Variants in CNTNAP2 observed in about 807,000 individuals in gnomAD.
CNTNAP2 encodes contactin-associated protein-like 2.
In CNTNAP2, 98 loss-of-function variants were observed where a neutral mutation model predicts 155.2. That is an observed-to-expected ratio of 0.63 (90% CI 0.54 to 0.75). The LOEUF (loss-of-function observed/expected upper bound fraction) is 0.75. Among genes scored for constraint, CNTNAP2 ranks in the 30% least tolerant of loss-of-function variants. The pLI, the probability that CNTNAP2 is intolerant of heterozygous loss-of-function variation, is 0.00. For synonymous variants in CNTNAP2, 651 were observed against 631.2 expected (o/e 1.03, Z -0.47); for missense variants, 1,727 against 1,688.1 (o/e 1.02, Z -0.40).
chr7:146,556,114 A>T (rs925641847), intron 1 of CNTNAP2, among the ~76,000 whole-genome samples: 6 of 152,230 alleles, frequency 3.9e-5, no homozygotes, highest in Non-Finnish European at 4.4e-5. Context: ...TACACAAAGA[A>T]ATGGAATATT....
intron 13 of CNTNAP2, among the ~76,000 whole-genome samples, chr7:147,761,836 G>C (rs898757351): frequency 1.3e-5 from 2 of 152,100 alleles, no homozygotes; most frequent in African/African-American, 4.8e-5. Context: ...ATTAAGGCTA[G>C]ATTTTCCTCT....
chr7:147,572,326 C>T (rs369487488), intron 12 of CNTNAP2, among the ~76,000 whole-genome samples: 19 of 150,886 alleles, frequency 1.3e-4, no homozygotes, highest in African/African-American at 4.5e-4. Context: ...AGAGGAAAAC[C>T]ATGAGATCCA....
chr7:146,146,044 A>G (rs1797952402), intron 1 of CNTNAP2, among the ~76,000 whole-genome samples: 1 of 152,222 alleles, frequency 6.6e-6, no homozygotes, highest in Admixed American at 6.6e-5. Context: ...TTGTTTTAAG[A>G]ATATTGTTCA....
At chr7:147,524,674 C>T (rs962665132) in intron 11 of CNTNAP2, among the ~76,000 whole-genome samples, 3 of 152,194 alleles carry the variant, frequency 2.0e-5, no homozygotes, top group African/African-American at 7.2e-5. Flanking sequence ...GAAAACTCTG[C>T]TTGAGGGTCT....
At chr7:148,211,724 G>T (rs1474521050) in intron 18 of CNTNAP2, among the ~76,000 whole-genome samples, 1 of 152,154 alleles carries the variant, frequency 6.6e-6, no homozygotes, top group Non-Finnish European at 1.5e-5. Context: ...AGGCGTTTTG[G>T]TTTTGCTTTC....
chr7:146,613,971 A>T (rs577867189), intron 1 of CNTNAP2, among the ~76,000 whole-genome samples: 4 of 152,262 alleles, frequency 2.6e-5, no homozygotes, highest in African/African-American at 9.6e-5. Flanking sequence ...CTTATCATTG[A>T]CTGTTTTGGG....
At chr7:146,551,607 A>T (rs183733766) in intron 1 of CNTNAP2, among the ~76,000 whole-genome samples, 17 of 150,592 alleles carry the variant, frequency 1.1e-4, no homozygotes, top group African/African-American at 3.2e-4. Flanking sequence ...AAGTATAATT[A>T]AAAAAAAGAA....
In CNTNAP2 at chr7:147,067,667, T is replaced by G. The variant is rs1485396163; in HGVS notation, c.550+23613T>G. On this transcript the variant is annotated intron_variant, in intron 4 of 23. Transcript: ENST00000361727. The stretch of plus-strand genomic sequence containing the variant: ...GAATCTGACAGGTACTATTTCACTT[T>G]GGGCAAACTACTTAATTTTTGAGCT... Among the ~76,000 whole-genome samples the G allele has an allele frequency of 2.4e-4, 37 of 152,192 alleles. 1 individual carries two copies. The highest frequency in any genetic ancestry group is 2.4e-3 in the Admixed American group (37 of 15,274).
intron 3 of CNTNAP2, among the ~76,000 whole-genome samples, chr7:147,015,191 A>G (rs1324184085): frequency 6.6e-6 from 1 of 151,890 alleles, no homozygotes; most frequent in African/African-American, 2.4e-5. Context: ...GATTCAAGGC[A>G]TAGATTGGAT....
intron 1 of CNTNAP2, among the ~76,000 whole-genome samples, chr7:146,321,042 T>G (rs975839077): frequency 6.6e-6 from 1 of 151,900 alleles, no homozygotes; most frequent in Non-Finnish European, 1.5e-5. Flanking sequence ...ACAGACCAAT[T>G]TCATAATAAT....
intron 18 of CNTNAP2, among the ~76,000 whole-genome samples, chr7:148,215,513 C>CT (rs11351735): frequency 0.4 from 56,938 of 143,408 alleles, 11,460 homozygotes; most frequent in Non-Finnish European, 0.45. Context: ...TCAGGGCTTT[C>CT]TTTTTTTTTT....
chr7:148,043,312 A>G (rs1802711878), intron 15 of CNTNAP2, among the ~76,000 whole-genome samples: 1 of 152,218 alleles, frequency 6.6e-6, no homozygotes, highest in Non-Finnish European at 1.5e-5. Context: ...TGCTGTGATC[A>G]AGGTGTGTAA....
intron 8 of CNTNAP2, among the ~76,000 whole-genome samples, chr7:147,250,451 A>C (rs1019747315): frequency 2.6e-5 from 4 of 152,168 alleles, no homozygotes; most frequent in African/African-American, 9.7e-5. Flanking sequence ...GAATTTTTAC[A>C]GGGAAATTCC....
chr7:148,243,808 GA>G (rs1033336475), intron 20 of CNTNAP2, among the ~76,000 whole-genome samples: 67 of 148,254 alleles, frequency 4.5e-4, no homozygotes, highest in Middle Eastern at 3.5e-3. Flanking sequence ...AAAGAAAAAA[GA>G]AAAAAAAAAC....
chr7:147,488,693 A>T (rs1255544863), intron 11 of CNTNAP2, among the ~76,000 whole-genome samples: 1 of 152,172 alleles, frequency 6.6e-6, no homozygotes, highest in Non-Finnish European at 1.5e-5. Flanking sequence ...CAGTGCTATG[A>T]GTGACCTGTG....
chr7:148,247,643 A>ATTTT (rs1563010572), intron 20 of CNTNAP2, among the ~76,000 whole-genome samples: 1 of 129,718 alleles, frequency 7.7e-6, no homozygotes, highest in African/African-American at 3.1e-5. Flanking sequence ...TTATTTATTT[A>ATTTT]TTTATTTATT....
intron 13 of CNTNAP2, among the ~76,000 whole-genome samples, chr7:147,788,831 T>C (rs994404057): frequency 6.6e-6 from 1 of 151,818 alleles, no homozygotes; most frequent in Non-Finnish European, 1.5e-5. Flanking sequence ...CTCTTTCCGT[T>C]CTCTTACTCC....
intron 21 of CNTNAP2, among the ~76,000 whole-genome samples, chr7:148,362,558 G>A (rs1039445092): frequency 3.9e-5 from 6 of 152,148 alleles, no homozygotes; most frequent in South Asian, 2.1e-4. Context: ...ATGTTCTGCC[G>A]TGGCTTATTA....
intron 8 of CNTNAP2, among the ~76,000 whole-genome samples, chr7:147,286,773 TC>T (rs1316532380): frequency 6.6e-6 from 1 of 152,114 alleles, no homozygotes; most frequent in Non-Finnish European, 1.5e-5. Context: ...GGTCATATCT[TC>T]CCTTTCCATT....
Sources: allele counts gnomAD v4.1 joint callset (sites outside exome capture counted in the v4.1 genomes callset), GRCh38; gene constraint gnomAD v4.1.1; transcripts MANE v1.5; gene names NCBI Gene and HGNC (gene_info 2026-07-23, HGNC 2026-07-21).